KY: variants seen among roughly 807,000 people sequenced by gnomAD.
KY encodes the protein kyphoscoliosis peptidase.
KY carries 43 observed loss-of-function variants against 76.1 expected under a neutral mutation model. That is an observed-to-expected ratio of 0.57 (90% CI 0.44 to 0.73). KY has a LOEUF of 0.73. KY is among the 30% of genes least tolerant of loss of function. The pLI is 0.00. For missense variants in KY, 722 were observed against 828.9 expected (o/e 0.87, Z 1.58); for synonymous variants, 277 against 326.2 (o/e 0.85, Z 1.63).
At chr3:134,623,519 T>C (rs1053078364) in intron 6 of KY, among the ~76,000 whole-genome samples, 12 of 151,958 alleles carry the variant, frequency 7.9e-5, no homozygotes, top group African/African-American at 2.9e-4. Flanking sequence ...ACCTCCTCCC[T>C]TCCTTTCCTG....
At position 134,604,367 on chromosome 3, in the gene KY, T is replaced by C. The variant is rs1374364998; in HGVS notation, c.1198A>G (p.Met400Val). 6.2e-7 allele frequency: 1 copy of C among 1,614,008 alleles called. No individual in the cohort carries two copies. The highest frequency in any genetic ancestry group is 8.5e-7 in the Non-Finnish European group (1 of 1,179,898). Reference sequence around the variant, plus strand: ...GTTGGAGGGTACACCTCCAACTTCATCCCATTCTTCCTTAGGCTCAGCAGC... The same window carrying C: ...GTTGGAGGGTACACCTCCAACTTCACCCCATTCTTCCTTAGGCTCAGCAGC... ...HGLLSLRKNGMKLEVYPPTMG... is the reference protein window; with the variant it reads ...HGLLSLRKNGVKLEVYPPTMG... The change falls in exon 11 of 11, where the codon ATG becomes GTG. Residue 400 changes from methionine (M) to valine (V), a missense_variant. Met to Val is a conservative substitution (Grantham distance 21, BLOSUM62 1). Coordinates refer to ENST00000423778, the MANE Select transcript of KY (RefSeq NM_178554.6).
chr3:134,609,161 C>T (rs1959835252), intron 9 of KY, among the ~76,000 whole-genome samples: 1 of 152,212 alleles, frequency 6.6e-6, no homozygotes, highest in Non-Finnish European at 1.5e-5. Flanking sequence ...GCCTGTGGAC[C>T]ACGCAGTGGG....
chr3:134,641,185 G>A (rs1965711406), intron 3 of KY: 1 of 152,222 alleles, frequency 6.6e-6, no homozygotes, highest in Non-Finnish European at 1.5e-5. Context: ...CACTTTCTCA[G>A]TGAGGCCTTT....
chr3:134,646,973 A>C (rs559851177), intron 2 of KY, among the ~76,000 whole-genome samples: 7 of 152,202 alleles, frequency 4.6e-5, no homozygotes, highest in African/African-American at 1.7e-4. Context: ...TTGGAAGCTG[A>C]CTTCTTATTG....
At chr3:134,632,847 T>C (rs1164092128) in intron 3 of KY, among the ~76,000 whole-genome samples, 1 of 151,918 alleles carries the variant, frequency 6.6e-6, no homozygotes, top group African/African-American at 2.4e-5. Flanking sequence ...TTGATGAACT[T>C]CTAGCTAGAA....
intron 6 of KY, among the ~76,000 whole-genome samples, chr3:134,622,252 A>G (rs2107844854): frequency 1.3e-5 from 2 of 152,310 alleles, no homozygotes; most frequent in African/African-American, 4.8e-5. Flanking sequence ...TCAAACAGAC[A>G]TTTGTTTCCC....
chr3:134,620,652 T>C (rs1024660963), intron 7 of KY, 97 bp downstream of exon 7: 12 of 831,206 alleles, frequency 1.4e-5, no homozygotes, highest in Non-Finnish European at 2.0e-5. Context: ...CCACCTTTCA[T>C]GTCACTCTGC....
chr3:134,616,754 C>T (rs1961634610), intron 8 of KY, among the ~76,000 whole-genome samples: 1 of 152,202 alleles, frequency 6.6e-6, no homozygotes, highest in Non-Finnish European at 1.5e-5. Context: ...TGTCAATTTT[C>T]TGAATCTATG....
At chr3:134,619,306 G>A (rs942618607) in intron 7 of KY, 41 bp from the exon 8 acceptor site, 8 of 1,512,248 alleles carry the variant, frequency 5.3e-6, no homozygotes, top group Middle Eastern at 1.7e-4. Flanking sequence ...CTTGAGCCTG[G>A]GAGGCGAGAA....
At position 134,605,042 on chromosome 3, in the gene KY, G is replaced by A. The variant is rs183187679; in HGVS notation, c.1091-568C>T. ...CCCACCCCATGCTTCTCACATAGGT[G>A]TATCTTAGCCATGTTTCAGGAATGG... On this transcript the variant is annotated intron_variant, in intron 10 of 10. Coordinates refer to ENST00000423778, the MANE Select transcript of KY (RefSeq NM_178554.6). 2.1e-3 allele frequency among the ~76,000 whole-genome samples: 314 copies of A among 152,224 alleles called. 1 individual carries two copies. The highest frequency in any genetic ancestry group is 7.3e-3 in the African/African-American group (303 of 41,526).
At chr3:134,632,059 G>A (rs1964308511) in intron 3 of KY, among the ~76,000 whole-genome samples, 1 of 152,014 alleles carries the variant, frequency 6.6e-6, no homozygotes, top group African/African-American at 2.4e-5. Context: ...ATATTAGCAA[G>A]AAGACATAAC....
intron 5 of KY, among the ~76,000 whole-genome samples, chr3:134,626,485 C>G (rs10935123): frequency 0.64 from 96,930 of 152,038 alleles, 31,567 homozygotes; most frequent in East Asian, 0.88. Flanking sequence ...AGGGTGCAGG[C>G]TGTGGGGCTC....
intron 10 of KY, chr3:134,606,859 C>G (rs979544314): frequency 8.7e-6 from 8 of 922,282 alleles, no homozygotes; most frequent in Non-Finnish European, 1.0e-5. Flanking sequence ...TCTCCTAGAG[C>G]CTGGCAGCTT....
chr3:134,650,937 G>A lies in KY; in HGVS notation c.24C>T (p.Asn8=), dbSNP rs1966881435. The A allele has an allele frequency of 1.2e-6, 2 of 1,613,236 alleles. No homozygotes were observed. The highest frequency in any genetic ancestry group is 8.5e-7 in the Non-Finnish European group (1 of 1,179,542). Residue 8 remains asparagine (N), a synonymous_variant, in exon 1 of 11, where the codon AAC becomes AAT. Coordinates refer to ENST00000423778, the MANE Select transcript of KY (RefSeq NM_178554.6). ...TCAGCAGCATGTCGATAGATACAGC[G>A]TTGATGTCCTTCTTCAGCTCCATGA... is the stretch of plus-strand genomic sequence containing the variant. The part of the protein sequence containing the change: MELKKDI[N]AVSIDMLLIV...
intron 3 of KY, 22 bp downstream of exon 3, chr3:134,643,294 C>T (rs759967209): frequency 2.5e-5 from 41 of 1,612,292 alleles, no homozygotes; most frequent in African/African-American, 5.3e-5. Context: ...GGGGAGGTCA[C>T]GGCTAGCGGC....
rs906754978 is a variant in KY at position 134,601,755 on chromosome 3, T to G, written c.*1824A>C. 1.3e-5 allele frequency among the ~76,000 whole-genome samples: 2 copies of G among 152,190 alleles called. No homozygotes were observed. Among genetic ancestry groups the G allele is most frequent in the Non-Finnish European group, 2.9e-5 (2 of 68,028 alleles). On this transcript the variant is annotated 3_prime_UTR_variant, in exon 11 of 11. Transcript: ENST00000423778. Reference sequence around the variant, plus strand: ...TCGAGGCCGCCGGCCTGTTGGATGATGGGCACCCTTGTGAGCTGGTTCTGG... The same window carrying G: ...TCGAGGCCGCCGGCCTGTTGGATGAGGGGCACCCTTGTGAGCTGGTTCTGG...
intron 2 of KY, among the ~76,000 whole-genome samples, chr3:134,645,126 G>A (rs905723003): frequency 4.6e-5 from 7 of 152,204 alleles, no homozygotes; most frequent in South Asian, 4.1e-4. Flanking sequence ...GCTGTGGGGC[G>A]TCTGTCCCTG....
At chr3:134,606,606 T>G (rs1210293661) in intron 10 of KY, among the ~76,000 whole-genome samples, 1 of 152,204 alleles carries the variant, frequency 6.6e-6, no homozygotes, top group Non-Finnish European at 1.5e-5. Context: ...ATCATTTTTG[T>G]GTAGTGTCCG....
At chr3:134,624,239 G>T (rs765507663) in intron 6 of KY, among the ~76,000 whole-genome samples, 18 of 152,110 alleles carry the variant, frequency 1.2e-4, no homozygotes, top group Non-Finnish European at 2.1e-4. Flanking sequence ...CCTAGCTCAG[G>T]ATTGGCCTTT....
Sources: allele counts gnomAD v4.1 joint callset (sites outside exome capture counted in the v4.1 genomes callset), GRCh38; gene constraint gnomAD v4.1.1; transcripts MANE v1.5; gene names NCBI Gene and HGNC (gene_info 2026-07-23, HGNC 2026-07-21).